The following XYLT1 variants were observed in gnomAD, a reference collection of about 807,000 sequenced individuals.
XYLT1 encodes the protein xylosyltransferase 1.
XYLT1 carries 36 observed loss-of-function variants against 91.3 expected under a neutral mutation model. The ratio of observed to expected loss-of-function variants is 0.39; its 90% CI spans 0.30 to 0.52. The LOEUF is 0.52. Among genes scored for constraint, XYLT1 ranks in the 20% least tolerant of loss-of-function variants. The probability of loss-of-function intolerance (pLI) is 0.68; values close to 1 mark genes in which losing one functional copy is unlikely to be tolerated. For synonymous variants in XYLT1, 588 were observed against 532.0 expected, an observed-to-expected ratio of 1.11 and a Z score of -1.45; for missense variants, 1,242 against 1,284.5, an observed-to-expected ratio of 0.97 and a Z score of 0.51.
intron 2 of XYLT1, among the ~76,000 whole-genome samples, chr16:17,344,604 C>G (rs1478174119): frequency 1.3e-5 from 2 of 152,036 alleles, no homozygotes; most frequent in Non-Finnish European, 2.9e-5. Context: ...GGAAGGGAGT[C>G]CCTTAAGCAC....
chr16:17,313,572 C>T (rs752633703), intron 2 of XYLT1, among the ~76,000 whole-genome samples: 4 of 152,106 alleles, frequency 2.6e-5, no homozygotes, highest in African/African-American at 4.8e-5. Flanking sequence ...TAGCCAGATC[C>T]GTGGGACTGT....
intron 2 of XYLT1, among the ~76,000 whole-genome samples, chr16:17,350,050 A>G (rs999611782): frequency 9.9e-5 from 15 of 151,970 alleles, no homozygotes; most frequent in Admixed American, 2.6e-4. Flanking sequence ...ATTTTTTTGT[A>G]TTTTTAGTAG....
intron 1 of XYLT1, among the ~76,000 whole-genome samples, chr16:17,443,873 G>T (rs2036561340): frequency 6.6e-6 from 1 of 152,064 alleles, no homozygotes; most frequent in Admixed American, 6.5e-5. Context: ...TCCTTTTCCT[G>T]CTTTGAGCTC....
intron 3 of XYLT1, among the ~76,000 whole-genome samples, chr16:17,225,341 C>T (rs750229011): frequency 6.6e-6 from 1 of 152,116 alleles, no homozygotes; most frequent in Non-Finnish European, 1.5e-5. Context: ...GGGCTCACTA[C>T]AGATGAAAAT....
At chr16:17,461,574 T>A (rs1276727989) in intron 1 of XYLT1, among the ~76,000 whole-genome samples, 3 of 151,724 alleles carry the variant, frequency 2.0e-5, no homozygotes, top group Non-Finnish European at 4.4e-5. Flanking sequence ...GATGGATGGA[T>A]GAATGGACAG....
chr16:17,240,650 G>T, intron 3 of XYLT1, among the ~76,000 whole-genome samples: 1 of 152,180 alleles, frequency 6.6e-6, no homozygotes. Flanking sequence ...TCGGGACCAA[G>T]CCTGAACCAG....
chr16:17,448,825 CTG>C (rs2036628049), intron 1 of XYLT1, among the ~76,000 whole-genome samples: 1 of 152,086 alleles, frequency 6.6e-6, no homozygotes, highest in Non-Finnish European at 1.5e-5. Flanking sequence ...GGCCCAGACA[CTG>C]TGCTAAATGA....
rs1966763905 is a variant in XYLT1, at chr16:17,105,630, A to G, written c.*3065T>C. 1 of 152,136 alleles carries G rather than the reference A, an allele frequency of 6.6e-6. No individual in the cohort carries two copies. Among genetic ancestry groups the G allele is most frequent in the Admixed American group, 6.5e-5 (1 of 15,272 alleles). 9.4% of individuals were successfully genotyped at this position (152,136 alleles called of 1,614,324 possible). A position where few individuals can be genotyped will look rare whatever the true frequency, so the allele number is the denominator to read the frequency against. ...GAAACTATAAGGAGTGCCGCAGCCT[A>G]AAGAATGCTTCCTTCTCCACAAACC... On this transcript the variant is annotated 3_prime_UTR_variant, in exon 12 of 12. Coordinates refer to ENST00000261381, the MANE Select transcript of XYLT1 (RefSeq NM_022166.4).
intron 3 of XYLT1, among the ~76,000 whole-genome samples, chr16:17,216,161 A>G (rs2032855546): frequency 6.6e-6 from 1 of 152,026 alleles, no homozygotes; most frequent in South Asian, 2.1e-4. Flanking sequence ...GTCGCTTGAC[A>G]TTTTCATCTC....
At chr16:17,112,984 C>T (rs1966845262) in intron 11 of XYLT1, among the ~76,000 whole-genome samples, 1 of 151,940 alleles carries the variant, frequency 6.6e-6, no homozygotes, top group Non-Finnish European at 1.5e-5. Flanking sequence ...GGATCACAGG[C>T]ACACGTCACC....
At chr16:17,347,397 G>A (rs1187479940) in intron 2 of XYLT1, among the ~76,000 whole-genome samples, 1 of 152,096 alleles carries the variant, frequency 6.6e-6, no homozygotes, top group African/African-American at 2.4e-5. Context: ...GAGTATGAAT[G>A]AATGAGAATA....
intron 1 of XYLT1, among the ~76,000 whole-genome samples, chr16:17,378,601 A>G (rs964494249): frequency 6.6e-6 from 1 of 152,214 alleles, no homozygotes; most frequent in Non-Finnish European, 1.5e-5. Flanking sequence ...AAATAAAGCA[A>G]TAACTGCCAT....
chr16:17,410,337 A>G (rs753637622), intron 1 of XYLT1, among the ~76,000 whole-genome samples: 1 of 152,196 alleles, frequency 6.6e-6, no homozygotes, highest in Non-Finnish European at 1.5e-5. Context: ...CAATTTACAA[A>G]AAGAGGTTTA....
At chr16:17,177,164 T>C (rs2031964332) in intron 5 of XYLT1, among the ~76,000 whole-genome samples, 1 of 152,186 alleles carries the variant, frequency 6.6e-6, no homozygotes, top group Non-Finnish European at 1.5e-5. Context: ...CCCCTTTTTT[T>C]CACCCAGTTA....
At chr16:17,155,091 G>C (rs938958277) in intron 6 of XYLT1, among the ~76,000 whole-genome samples, 3 of 152,218 alleles carry the variant, frequency 2.0e-5, no homozygotes, top group African/African-American at 4.8e-5. Context: ...CTGCCTCAAA[G>C]TCACCAGTGC....
intron 2 of XYLT1, chr16:17,354,767 T>C (rs1343714284): frequency 6.6e-6 from 1 of 152,196 alleles, no homozygotes; most frequent in Non-Finnish European, 1.5e-5. Flanking sequence ...TGGGTAACAT[T>C]TGAGGCACTA....
chr16:17,421,991 C>T (rs2036256529), intron 1 of XYLT1, among the ~76,000 whole-genome samples: 1 of 150,750 alleles, frequency 6.6e-6, no homozygotes, highest in Non-Finnish European at 1.5e-5. Flanking sequence ...GTCTGGCTAG[C>T]TTTTTTTTTG....
At chr16:17,419,110 G>A (rs190522518) in intron 1 of XYLT1, among the ~76,000 whole-genome samples, 4 of 152,014 alleles carry the variant, frequency 2.6e-5, no homozygotes, top group East Asian at 2.0e-4. Flanking sequence ...GTTAATCCAC[G>A]GACCTCTTTT....
intron 6 of XYLT1, among the ~76,000 whole-genome samples, chr16:17,148,037 T>G (rs1207084912): frequency 6.6e-6 from 1 of 152,234 alleles, no homozygotes; most frequent in Non-Finnish European, 1.5e-5. Context: ...TTGGGTGATC[T>G]AGGTACTAAT....
Sources: gnomAD v4.1 joint callset for allele counts (sites outside exome capture counted in the v4.1 genomes callset) on GRCh38, gnomAD v4.1.1 for gene constraint, MANE v1.5 for transcripts, NCBI Gene and HGNC (gene_info 2026-07-23, HGNC 2026-07-21) for gene names.